LAMA3: variants seen among roughly 807,000 people sequenced by gnomAD.
LAMA3 encodes the protein laminin subunit alpha 3.
LAMA3 carries 281 observed loss-of-function variants against 402.0 expected under a neutral mutation model. The observed-to-expected ratio is 0.70, with a 90% CI of 0.63 to 0.77. LAMA3 has a LOEUF of 0.77. Ranked by LOEUF, LAMA3 falls within the 30% of genes least tolerant of loss-of-function variation. LAMA3 has a pLI of 0.00. For synonymous variants in LAMA3, 1,431 were observed against 1,558.4 expected, an observed-to-expected ratio of 0.92 and a Z score of 1.93; for missense variants, 3,840 against 4,215.5, an observed-to-expected ratio of 0.91 and a Z score of 2.47.
At chr18:23,850,157 C>T (rs1598918015) in intron 32 of LAMA3, among the ~76,000 whole-genome samples, 1 of 152,288 alleles carries the variant, frequency 6.6e-6, no homozygotes, top group African/African-American at 2.4e-5. Flanking sequence ...AAAACACATT[C>T]TTTCACAGTC....
In LAMA3 at chr18:23,790,533, G is replaced by C. The variant is rs34667020; in HGVS notation, c.1603+6376G>C. Among the ~76,000 whole-genome samples, 1,282 of 152,362 alleles carry C rather than the reference G, an allele frequency of 8.4e-3. 7 individuals are homozygous for C. Among genetic ancestry groups the C allele is most frequent in the Non-Finnish European group, 0.014 (951 of 68,040 alleles). On this transcript the variant is annotated intron_variant, in intron 12 of 74. Transcript: ENST00000313654. ...TGAAGGATTTTATCTGTGCTTCTGA[G>C]TATGGGAAGTAGTTTGCCACTTTTC...
rs2080599301 is a variant in LAMA3, at chr18:23,890,006, T to G, written c.5304-5T>G. The G allele has an allele frequency of 6.2e-7, 1 of 1,608,138 alleles. No individual in the cohort carries two copies. The highest frequency in any genetic ancestry group is 8.5e-7 in the Non-Finnish European group (1 of 1,174,648). ...TGTTTCTCCTCCTCTCTATATTTTG[T>G]GTAGGTGTGCACCGGGATATTTCGG... On this transcript the variant is annotated splice_polypyrimidine_tract_variant and splice_region_variant and intron_variant, in intron 41 of 74. Coordinates refer to ENST00000313654, the MANE Select transcript of LAMA3 (RefSeq NM_198129.4).
chr18:23,698,350 G>A (rs1184429057), intron 1 of LAMA3, among the ~76,000 whole-genome samples: 1 of 152,034 alleles, frequency 6.6e-6, no homozygotes, highest in Non-Finnish European at 1.5e-5. Context: ...GGGACTACAG[G>A]CGCCTGCCAT....
At chr18:23,714,773 A>G (rs1598631810) in intron 2 of LAMA3, among the ~76,000 whole-genome samples, 2 of 152,220 alleles carry the variant, frequency 1.3e-5, no homozygotes, top group East Asian at 1.9e-4. Context: ...CCATCTCTAG[A>G]ACCCTTTTCA....
intron 24 of LAMA3, among the ~76,000 whole-genome samples, chr18:23,835,146 T>C (rs1039905830): frequency 6.6e-6 from 1 of 152,210 alleles, no homozygotes; most frequent in Non-Finnish European, 1.5e-5. Flanking sequence ...CCACCTCACC[T>C]GAGGCCTGGA....
intron 60 of LAMA3, among the ~76,000 whole-genome samples, chr18:23,917,927 A>G (rs1238267863): frequency 1.3e-5 from 2 of 152,092 alleles, no homozygotes; most frequent in Non-Finnish European, 2.9e-5. Context: ...GGTCTTTATC[A>G]TGAAATCTTT....
At position 23,873,115 on chromosome 18, in the gene LAMA3, A is replaced by G. The variant is rs1349909774; in HGVS notation, c.4998+1454A>G. 15 of 1,614,066 alleles carry G rather than the reference A, an allele frequency of 9.3e-6. No individual in the cohort carries two copies. The highest frequency in any genetic ancestry group is 1.1e-5 in the South Asian group (1 of 91,090). ...TGGATCTTTGGGGCAGCCCTGGGGC[A>G]GTGTCTGGGCTACAGTTCACAGCAG... On this transcript the variant is annotated intron_variant, in intron 38 of 74. Coordinates refer to ENST00000313654, the MANE Select transcript of LAMA3 (RefSeq NM_198129.4).
Position 23,703,502 on chromosome 18 carries a change from C to T in LAMA3, c.295-10418C>T, listed in dbSNP as rs554432710. Among the ~76,000 whole-genome samples the T allele has an allele frequency of 2.2e-4, 33 of 152,216 alleles. No individual in the cohort carries two copies. The South Asian group carries it at 6.9e-3, about 32-fold the overall frequency. ...TGAGTTGAAATGAATTCAAAGGACT[C>T]CCCCACCTAGAATTTGGAGTTTTGC... On this transcript the variant is annotated intron_variant, in intron 1 of 74. Transcript: ENST00000313654.
chr18:23,846,545 G>C, intron 31 of LAMA3, 37 bp downstream of exon 31: 1 of 1,559,286 alleles, frequency 6.4e-7, no homozygotes, highest in African/African-American at 1.4e-5. Flanking sequence ...GTTCTGCTCT[G>C]GTCCCGTGTG....
chr18:23,779,320 G>A, intron 11 of LAMA3, among the ~76,000 whole-genome samples: 1 of 152,184 alleles, frequency 6.6e-6, no homozygotes, highest in East Asian at 1.9e-4. Flanking sequence ...GGCCTGATGG[G>A]AAGTTTTTCC....
rs543392312 is a variant in LAMA3, at chr18:23,930,550, C to G, written c.8437-512C>G. ...ATCTCTTGAGCCCAGGGGTCTGAGA[C>G]CAGCCTAGGGAACATAGTGAGATCC... On this transcript the variant is annotated intron_variant, in intron 64 of 74. Transcript: ENST00000313654. 3.3e-3 allele frequency among the ~76,000 whole-genome samples: 497 copies of G among 152,204 alleles called. 6 individuals carry two copies. The highest frequency in any genetic ancestry group is 0.017 in the Middle Eastern group (5 of 294).
In LAMA3 at chr18:23,833,956, A is replaced by G; in HGVS notation, c.2952A>G (p.Ala984=). ...VNVKSSGSVL[A]GQVNIYSCNY... Reference sequence around the variant, plus strand: ...TGAAGAGCTCCGGGTCTGTTCTGGCAGGCCAGGTGAACATTTACAGCTGCA... The same window carrying G: ...TGAAGAGCTCCGGGTCTGTTCTGGCGGGCCAGGTGAACATTTACAGCTGCA... Residue 984 remains alanine, a synonymous_variant, in exon 24 of 75, where the codon GCA becomes GCG. Coordinates refer to ENST00000313654, the MANE Select transcript of LAMA3 (RefSeq NM_198129.4). 6.2e-7 allele frequency: 1 copy of G among 1,614,280 alleles called. No individual in the cohort carries two copies. Among genetic ancestry groups the G allele is most frequent in the Non-Finnish European group, 8.5e-7 (1 of 1,180,054 alleles).
At chr18:23,796,476 CCTCAGCTCT>C (rs1259393738) in intron 12 of LAMA3, among the ~76,000 whole-genome samples, 1 of 152,154 alleles carries the variant, frequency 6.6e-6, no homozygotes, top group Non-Finnish European at 1.5e-5. Flanking sequence ...TCAGTAAAAT[CCTCAGCTCT>C]TTGAGAAAAC....
chr18:23,887,754 G>C (rs188827047), intron 41 of LAMA3, among the ~76,000 whole-genome samples: 1 of 152,118 alleles, frequency 6.6e-6, no homozygotes, highest in Non-Finnish European at 1.5e-5. Context: ...GGAGGGTTTC[G>C]CAAAGGCTTT....
intron 7 of LAMA3, among the ~76,000 whole-genome samples, chr18:23,759,852 T>G (rs571199271): frequency 6.6e-6 from 1 of 152,278 alleles, no homozygotes; most frequent in African/African-American, 2.4e-5. Flanking sequence ...AGGGAAATGC[T>G]CTGGCGCACC....
chr18:23,717,915 T>C (rs961168157), intron 2 of LAMA3, among the ~76,000 whole-genome samples: 28 of 151,848 alleles, frequency 1.8e-4, no homozygotes, highest in African/African-American at 6.8e-4. Context: ...ACGTGGTAAA[T>C]GTAGGACAGT....
In LAMA3 at chr18:23,940,934, CTTTT is replaced by C. The variant is rs1285370407; in HGVS notation, c.9026+1549_9026+1552del. Among the ~76,000 whole-genome samples the C allele has an allele frequency of 9.0e-3, 745 of 82,478 alleles. 6 individuals are homozygous for C. The highest frequency in any genetic ancestry group is 0.023 in the African/African-American group (715 of 30,706). The allele number at this position is 82,478 out of a possible 152,430, so 54.1% of individuals were successfully genotyped here. ...CTTAATGACAATGACCTCCCTCTTT[CTTTT>C]CTTTTTTTTTTTTTTTGAGACGGAA... On this transcript the variant is annotated intron_variant, in intron 68 of 74. Transcript: ENST00000313654.
intron 64 of LAMA3, among the ~76,000 whole-genome samples, 180 bp from the exon 65 acceptor site, chr18:23,930,881 AT>A (rs2082142945): frequency 6.6e-6 from 1 of 152,254 alleles, no homozygotes; most frequent in Non-Finnish European, 1.5e-5. Flanking sequence ...AGATTTTTAT[AT>A]TTATAAACAT....
chr18:23,840,558 T>A (rs1172451466), intron 27 of LAMA3, among the ~76,000 whole-genome samples: 1 of 151,960 alleles, frequency 6.6e-6, no homozygotes, highest in African/African-American at 2.4e-5. Context: ...AATTTTTTTT[T>A]TAAATTTCTG....
Sources: gnomAD v4.1 joint callset for allele counts (sites outside exome capture counted in the v4.1 genomes callset) on GRCh38, gnomAD v4.1.1 for gene constraint, MANE v1.5 for transcripts, NCBI Gene and HGNC (gene_info 2026-07-23, HGNC 2026-07-21) for gene names.